TASP1: variants seen among roughly 807,000 people sequenced by gnomAD.
The protein encoded by TASP1 is threonine aspartase 1.
In TASP1, 16 loss-of-function variants were observed where a neutral mutation model predicts 56.6. The ratio of observed to expected loss-of-function variants is 0.28; its 90% CI spans 0.19 to 0.43. The LOEUF (loss-of-function observed/expected upper bound fraction) is 0.43. Among genes scored for constraint, TASP1 ranks in the 20% least tolerant of loss-of-function variants. The probability of loss-of-function intolerance (pLI) is 1.00; values close to 1 mark genes in which losing one functional copy is unlikely to be tolerated. For missense variants in TASP1, 393 were observed against 511.6 expected (o/e 0.77, Z 2.24); for synonymous variants, 179 against 184.2 (o/e 0.97, Z 0.23).
intron 6 of TASP1, among the ~76,000 whole-genome samples, chr20:13,577,528 G>C (rs2046966199): frequency 6.6e-6 from 1 of 152,108 alleles, no homozygotes; most frequent in Non-Finnish European, 1.5e-5. Flanking sequence ...TGGGGCCTTT[G>C]GGAAATAATG....
At chr20:13,359,490 G>A in the TASP1 span, among the ~76,000 whole-genome samples, 3 of 145,960 alleles carry the variant, frequency 2.1e-5, no homozygotes, top group Non-Finnish European at 3.0e-5. Context: ...GCCGAGCTTC[G>A]GGTAACTCTC....
At chr20:13,324,992 T>C in the TASP1 span, among the ~76,000 whole-genome samples, 2 of 152,216 alleles carry the variant, frequency 1.3e-5, no homozygotes, top group Non-Finnish European at 2.9e-5. Context: ...TTCGGCTTCT[T>C]ATCCTGTTAG....
the TASP1 span, among the ~76,000 whole-genome samples, chr20:13,376,376 G>A: frequency 1.3e-5 from 2 of 152,166 alleles, no homozygotes; most frequent in South Asian, 4.1e-4. Flanking sequence ...TCAAAGATCA[G>A]ATGGTTGTAG....
At chr20:13,127,817 T>A in the TASP1 span, among the ~76,000 whole-genome samples, 1 of 152,168 alleles carries the variant, frequency 6.6e-6, no homozygotes. Flanking sequence ...GATTGGCTGA[T>A]CTCTAGGATC....
chr20:13,345,203 C>G, the TASP1 span, among the ~76,000 whole-genome samples: 1 of 152,120 alleles, frequency 6.6e-6, no homozygotes, highest in Non-Finnish European at 1.5e-5. Context: ...GTCCATCTAC[C>G]CTGACCCAAT....
the TASP1 span, among the ~76,000 whole-genome samples, chr20:13,341,776 G>C: frequency 3.3e-5 from 5 of 152,284 alleles, no homozygotes; most frequent in Non-Finnish European, 7.4e-5. Flanking sequence ...AGCTGGCTTG[G>C]CCAGGCTCTC....
chr20:13,423,096 G>A (rs1189486686), intron 12 of TASP1, among the ~76,000 whole-genome samples: 3 of 152,004 alleles, frequency 2.0e-5, no homozygotes, highest in Admixed American at 6.6e-5. Flanking sequence ...GCTTTAATCA[G>A]CAAGAAACTG....
At chr20:13,499,503 G>A (rs6042176) in intron 10 of TASP1, among the ~76,000 whole-genome samples, 32,896 of 151,074 alleles carry the variant, frequency 0.22, 3,728 homozygotes, top group Middle Eastern at 0.29. Flanking sequence ...AAAAGGCAAC[G>A]CAAGGCAAAG....
chr20:13,205,319 C>T, the TASP1 span, among the ~76,000 whole-genome samples: 1 of 152,136 alleles, frequency 6.6e-6, no homozygotes, highest in Non-Finnish European at 1.5e-5. Context: ...GAAATCTCTT[C>T]TAGTATGTCC....
chr20:13,533,681 G>C (rs2045310213), intron 9 of TASP1, among the ~76,000 whole-genome samples: 1 of 152,064 alleles, frequency 6.6e-6, no homozygotes, highest in African/African-American at 2.4e-5. Flanking sequence ...TAGTCAAGTA[G>C]AGCTTGTTCC....
At chr20:13,598,514 C>T (rs984565681) in intron 4 of TASP1, among the ~76,000 whole-genome samples, 1 of 152,100 alleles carries the variant, frequency 6.6e-6, no homozygotes, top group African/African-American at 2.4e-5. Flanking sequence ...CTTCCTTACA[C>T]CTTATATAAA....
At chr20:13,218,799 C>T in the TASP1 span, among the ~76,000 whole-genome samples, 1 of 152,158 alleles carries the variant, frequency 6.6e-6, no homozygotes, top group African/African-American at 2.4e-5. Flanking sequence ...TATCAATACT[C>T]GTTATATGTG....
At chr20:13,457,851 C>T (rs1023920235) in intron 11 of TASP1, among the ~76,000 whole-genome samples, 3 of 152,138 alleles carry the variant, frequency 2.0e-5, no homozygotes, top group African/African-American at 4.8e-5. Context: ...TAAGCAGGGT[C>T]TGTTATGGAA....
the TASP1 span, among the ~76,000 whole-genome samples, chr20:13,295,986 T>C: frequency 2.0e-5 from 3 of 152,360 alleles, no homozygotes; most frequent in Admixed American, 2.0e-4. Flanking sequence ...TGGTGTCACG[T>C]GCTCCTTGAA....
intron 4 of TASP1, among the ~76,000 whole-genome samples, chr20:13,596,115 G>A (rs2047719853): frequency 6.6e-6 from 1 of 152,188 alleles, no homozygotes; most frequent in South Asian, 2.1e-4. Flanking sequence ...GCTCACGCCT[G>A]TAATCCCAGC....
At chr20:13,114,514 A>T in the TASP1 span, among the ~76,000 whole-genome samples, 9 of 152,232 alleles carry the variant, frequency 5.9e-5, no homozygotes, top group Non-Finnish European at 1.2e-4. Context: ...CTTCTAAAAC[A>T]AATACATATA....
the TASP1 span, among the ~76,000 whole-genome samples, chr20:13,291,812 A>G: frequency 2.6e-5 from 4 of 152,208 alleles, no homozygotes; most frequent in Non-Finnish European, 5.9e-5. Context: ...CAAATATTCA[A>G]GGGAAAACTA....
intron 11 of TASP1, among the ~76,000 whole-genome samples, chr20:13,449,934 T>C (rs780925153): frequency 3.9e-5 from 6 of 152,096 alleles, no homozygotes; most frequent in Non-Finnish European, 5.9e-5. Flanking sequence ...CACAGGGTGT[T>C]GCATCTCACT....
the TASP1 span, among the ~76,000 whole-genome samples, chr20:13,144,439 C>G: frequency 6.6e-6 from 1 of 152,140 alleles, no homozygotes; most frequent in Non-Finnish European, 1.5e-5. Flanking sequence ...TTACTATCAT[C>G]CCCATTTAAC....
Sources: allele counts gnomAD v4.1 joint callset (sites outside exome capture counted in the v4.1 genomes callset), GRCh38; gene constraint gnomAD v4.1.1; transcripts MANE v1.5; gene names NCBI Gene and HGNC (gene_info 2026-07-23, HGNC 2026-07-21).